TCTN2: variants seen among roughly 807,000 people sequenced by gnomAD.
TCTN2 encodes tectonic family member 2.
A neutral mutation model predicts 83.4 loss-of-function variants in TCTN2; 66 were observed. The ratio of observed to expected loss-of-function variants is 0.79; its 90% CI spans 0.65 to 0.97. TCTN2 has a LOEUF of 0.97. Among genes scored for constraint, TCTN2 ranks in the 50% least tolerant of loss-of-function variants. The probability of loss-of-function intolerance (pLI) is 0.00; values close to 1 mark genes in which losing one functional copy is unlikely to be tolerated. For synonymous variants in TCTN2, 301 were observed against 326.7 expected, an observed-to-expected ratio of 0.92 and a Z score of 0.85; for missense variants, 794 against 858.1, an observed-to-expected ratio of 0.93 and a Z score of 0.93.
At chr12:123,700,893 A>G (rs1431021078) in intron 14 of TCTN2, among the ~76,000 whole-genome samples, 2 of 152,128 alleles carry the variant, frequency 1.3e-5, no homozygotes, top group East Asian at 1.9e-4. Flanking sequence ...GGCTACAGTG[A>G]GCTCTGATTA....
rs2135859581 is a variant in TCTN2, at chr12:123,704,652, G to A, written c.1733G>A (p.Gly578Glu). 1 of 1,612,852 alleles carries A rather than the reference G, an allele frequency of 6.2e-7. No individual in the cohort carries two copies. Among genetic ancestry groups the A allele is most frequent in the East Asian group, 2.2e-5 (1 of 44,850 alleles). ...ILISDAGAVE[G>E]ITQQEILGVE... ...ATCTCGGATGCTGGCGCGGTGGAAG[G>A]GATTACTCAGCAGGAGATACTCGGT... The change falls in exon 15 of 18, where the codon GGG becomes GAG. Residue 578 changes from glycine to glutamate, a missense_variant. Gly to Glu is a moderately conservative substitution (Grantham distance 98). Transcript: ENST00000303372.
intron 11 of TCTN2, 193 bp downstream of exon 11, chr12:123,695,490 C>T (rs1028839355): frequency 3.4e-5 from 16 of 471,330 alleles, no homozygotes; most frequent in African/African-American, 2.4e-4. Context: ...GGCGCAATCT[C>T]GGCTCACTGC....
chr12:123,678,929 C>G (rs1383618646), intron 4 of TCTN2, among the ~76,000 whole-genome samples: 1 of 151,980 alleles, frequency 6.6e-6, no homozygotes, highest in African/African-American at 2.4e-5. Flanking sequence ...TTCCAAGTAG[C>G]TGGGACTACA....
Position 123,695,098 on chromosome 12 carries a change from G to A in TCTN2, c.1234+122G>A, listed in dbSNP as rs1956091503. ...GGACTTGTTTCTTATGTGCATTTAT[G>A]ATTTAATTAACGAGAGTACACTTTG... On this transcript the variant is annotated intron_variant, in intron 10 of 17. Coordinates refer to ENST00000303372, the MANE Select transcript of TCTN2 (RefSeq NM_024809.5). 5 of 1,454,554 alleles carry A rather than the reference G, an allele frequency of 3.4e-6. No homozygotes were observed. In the East Asian group the frequency reaches 1.1e-4, roughly 33 times the overall value. 90.1% of individuals were successfully genotyped at this position (1,454,554 alleles called of 1,614,324 possible). A position where few individuals can be genotyped will look rare whatever the true frequency, so the allele number is the denominator to read the frequency against.
At chr12:123,702,754 C>T (rs757758855) in intron 14 of TCTN2, among the ~76,000 whole-genome samples, 30 of 152,130 alleles carry the variant, frequency 2.0e-4, no homozygotes, top group Non-Finnish European at 3.1e-4. Flanking sequence ...AATGTCCAGA[C>T]GGAGAACCCA....
intron 2 of TCTN2, 93 bp from the exon 3 acceptor site, chr12:123,671,963 C>T (rs1955758297): frequency 9.7e-7 from 1 of 1,030,868 alleles, no homozygotes; most frequent in South Asian, 1.3e-5. Flanking sequence ...CAATCTTAGG[C>T]TGTAATGTGA....
rs1956093677 is a variant in TCTN2 at position 123,695,242 on chromosome 12, A to G, written c.1257A>G (p.Val419=). 2 of 1,581,920 alleles carry G rather than the reference A, an allele frequency of 1.3e-6. No individual in the cohort carries two copies. The highest frequency in any genetic ancestry group is 8.7e-7 in the Non-Finnish European group (1 of 1,151,090). ...HQKGIMTQRF[V]VKFLSYNSGN... is the part of the protein sequence containing the mutation. The stretch of plus-strand genomic sequence containing the variant: ...TAGGGATAATGACACAGAGATTTGT[A>G]GTAAAATTTTTAAGCTATAATAGTG... The change falls in exon 11 of 18, where the codon GTA becomes GTG. Residue 419 remains valine (V), a synonymous_variant. Coordinates refer to ENST00000303372, the MANE Select transcript of TCTN2 (RefSeq NM_024809.5).
intron 12 of TCTN2, 59 bp downstream of exon 12, chr12:123,696,554 C>T (rs1956112141): frequency 2.8e-6 from 4 of 1,442,382 alleles, no homozygotes; most frequent in Non-Finnish European, 3.9e-6. Context: ...GAAGTATTAC[C>T]ATATTTTGAA....
intron 15 of TCTN2, among the ~76,000 whole-genome samples, chr12:123,706,232 T>TG (rs1295661348): frequency 6.6e-6 from 1 of 152,184 alleles, no homozygotes; most frequent in African/African-American, 2.4e-5. Context: ...GAACTGGAAA[T>TG]GGAGAGTGGT....
At chr12:123,672,225 T>C (rs1254220449) in intron 3 of TCTN2, 93 bp downstream of exon 3, 1 of 1,077,736 alleles carries the variant, frequency 9.3e-7, no homozygotes, top group African/African-American at 1.6e-5. Context: ...GGCATGGCTT[T>C]CTCCATGCTC....
At position 123,673,692 on chromosome 12, in the gene TCTN2, G is replaced by T; in HGVS notation, c.345G>T (p.Glu115Asp). The T allele has an allele frequency of 6.2e-7, 1 of 1,614,218 alleles. No homozygotes were observed. Among genetic ancestry groups the T allele is most frequent in the Non-Finnish European group, 8.5e-7 (1 of 1,180,044 alleles). ...CSSNETDSFSESPCILQTLLV... is the reference protein window; with the variant it reads ...CSSNETDSFSDSPCILQTLLV... ...CCAATGAGACAGATTCCTTCTCAGA[G>T]TCCCCCTGTATCCTCCAGACCCTTC... The change falls in exon 4 of 18, where the codon GAG becomes GAT. Residue 115 changes from glutamate (E) to aspartate (D), a missense_variant. Glu to Asp is a conservative substitution (Grantham distance 45, BLOSUM62 2). Coordinates refer to ENST00000303372, the MANE Select transcript of TCTN2 (RefSeq NM_024809.5).
intron 8 of TCTN2, among the ~76,000 whole-genome samples, chr12:123,691,147 G>A (rs1366438823): frequency 6.6e-6 from 1 of 152,124 alleles, no homozygotes; most frequent in Non-Finnish European, 1.5e-5. Context: ...GGGATTACAG[G>A]TGTAAGCCAT....
At chr12:123,679,883 GC>G (rs1955874257) in intron 5 of TCTN2, among the ~76,000 whole-genome samples, 1 of 151,362 alleles carries the variant, frequency 6.6e-6, no homozygotes, top group South Asian at 2.1e-4. Flanking sequence ...GGGACTACAG[GC>G]GCCCACCACC....
chr12:123,699,686 T>C lies in TCTN2; in HGVS notation c.1506-18T>C. On this transcript the variant is annotated intron_variant, in intron 13 of 17. Coordinates refer to ENST00000303372, the MANE Select transcript of TCTN2 (RefSeq NM_024809.5). The stretch of plus-strand genomic sequence containing the variant: ...GACCTGCTGGCCATGAGCTGAGAAA[T>C]GTCTTACTCTCTTGCAGGGAGAATG... 6.3e-7 allele frequency: 1 copy of C among 1,599,418 alleles called. No homozygotes were observed. Among genetic ancestry groups the C allele is most frequent in the Non-Finnish European group, 8.6e-7 (1 of 1,166,584 alleles).
In TCTN2 at chr12:123,702,931, T is replaced by C. The variant is rs1178095340; in HGVS notation, c.1613-1601T>C. Among the ~76,000 whole-genome samples, 3 of 152,102 alleles carry C rather than the reference T, an allele frequency of 2.0e-5. No individual in the cohort carries two copies. In the East Asian group the frequency reaches 5.8e-4, roughly 29 times the overall value. ...TATAAGGAAATTAGACATAAAACAGTGTTACTGACCTTCGGAATCCCTGAA... is the reference window on the plus strand; with the variant it reads ...TATAAGGAAATTAGACATAAAACAGCGTTACTGACCTTCGGAATCCCTGAA... On this transcript the variant is annotated intron_variant, in intron 14 of 17. Transcript: ENST00000303372.
At chr12:123,684,713 T>G (rs1955942752) in intron 5 of TCTN2, among the ~76,000 whole-genome samples, 1 of 152,066 alleles carries the variant, frequency 6.6e-6, no homozygotes, top group Non-Finnish European at 1.5e-5. Flanking sequence ...ATTGTGATTT[T>G]TACACTAAAA....
intron 5 of TCTN2, among the ~76,000 whole-genome samples, chr12:123,682,483 T>C (rs1350602996): frequency 6.6e-6 from 1 of 152,076 alleles, no homozygotes. Context: ...TTTTATTTAT[T>C]TTTTATTTAT....
Position 123,708,203 on chromosome 12 carries a change from G to C in TCTN2, c.*490G>C, listed in dbSNP as rs1956255891. The C allele has an allele frequency of 5.5e-6, 1 of 183,032 alleles. No homozygotes were observed. The highest frequency in any genetic ancestry group is 1.1e-4 in the South Asian group (1 of 8,748). The allele number at this position is 183,032 out of a possible 1,614,324, so 11.3% of individuals were successfully genotyped here. On this transcript the variant is annotated 3_prime_UTR_variant, in exon 18 of 18. Coordinates refer to ENST00000303372, the MANE Select transcript of TCTN2 (RefSeq NM_024809.5). ...AGACGGGGTTTCGCCTTGTTGCCCA[G>C]GGTGGTCTGTAACTCCTGAGCTCAG...
chr12:123,671,380 A>G (rs1955748197), intron 1 of TCTN2, 58 bp downstream of exon 1: 1 of 1,603,352 alleles, frequency 6.2e-7, no homozygotes, highest in African/African-American at 1.3e-5. Context: ...TGGGCGTTAA[A>G]AGGGCCAGAC....
Sources: allele counts gnomAD v4.1 joint callset (sites outside exome capture counted in the v4.1 genomes callset), GRCh38; gene constraint gnomAD v4.1.1; transcripts MANE v1.5; gene names NCBI Gene and HGNC (gene_info 2026-07-23, HGNC 2026-07-21).